Variants in EPHB6 observed in about 807,000 individuals in gnomAD.
The protein encoded by EPHB6 is ephrin type-B receptor 6.
EPHB6 carries 51 observed loss-of-function variants against 107.0 expected under a neutral mutation model. The observed-to-expected ratio is 0.48, with a 90% CI of 0.38 to 0.60. EPHB6 has a LOEUF of 0.60. Ranked by LOEUF, EPHB6 falls within the 20% of genes least tolerant of loss-of-function variation. The pLI is 0.00. For missense variants in EPHB6, 1,141 were observed against 1,355.5 expected (o/e 0.84, Z 2.48); for synonymous variants, 553 against 549.0 (o/e 1.01, Z -0.10).
intron 1 of EPHB6, among the ~76,000 whole-genome samples, chr7:142,859,340 A>G (rs1586148971): frequency 6.6e-6 from 1 of 152,314 alleles, no homozygotes; most frequent in East Asian, 1.9e-4. Flanking sequence ...TGAAAAATCA[A>G]GTTCTGAGTC....
At position 142,870,523 on chromosome 7, in the gene EPHB6, C is replaced by G; in HGVS notation, c.2805-7C>G. ...GACCTTGACCCTGCTTGCCCCTCCC[C>G]TCTTAGGCCTTCCCAGGCCCTTCTG... On this transcript the variant is annotated splice_region_variant and splice_polypyrimidine_tract_variant and intron_variant, in intron 18 of 19. Coordinates refer to ENST00000652003, the MANE Select transcript of EPHB6 (RefSeq NM_004445.6). 6.2e-7 allele frequency: 1 copy of G among 1,612,308 alleles called. No individual in the cohort carries two copies. Among genetic ancestry groups the G allele is most frequent in the East Asian group, 2.3e-5 (1 of 43,024 alleles).
intron 4 of EPHB6, 135 bp downstream of exon 4, chr7:142,862,968 G>C: frequency 1.8e-6 from 1 of 547,000 alleles, no homozygotes; most frequent in South Asian, 2.5e-5. Flanking sequence ...GCTCAGGAGA[G>C]GCAGTATGCA....
chr7:142,870,950 G>A lies in EPHB6; in HGVS notation c.*46G>A. ...CAGCCCTGGACACTGGTCCGAGAAG[G>A]GACATGTGGGACGTGAGCCGGGCTC... On this transcript the variant is annotated 3_prime_UTR_variant, in exon 20 of 20. Transcript: ENST00000652003. 1 of 1,563,518 alleles carries A rather than the reference G, an allele frequency of 6.4e-7. No individual in the cohort carries two copies. The highest frequency in any genetic ancestry group is 8.7e-7 in the Non-Finnish European group (1 of 1,150,444).
At chr7:142,858,601 A>ATT (rs1802711723) in intron 1 of EPHB6, among the ~76,000 whole-genome samples, 34 of 37,840 alleles carry the variant, frequency 9.0e-4, no homozygotes, top group Non-Finnish European at 2.2e-3. Flanking sequence ...ACGCCCAGCT[A>ATT]ATTTTTTTTT....
intron 17 of EPHB6, 23 bp from the exon 18 acceptor site, chr7:142,870,191 C>T (rs1283456626): frequency 2.5e-6 from 4 of 1,613,870 alleles, no homozygotes; most frequent in Non-Finnish European, 8.5e-7. Flanking sequence ...TTCCCATCGT[C>T]ATAGTCTTCC....
rs1222741724 is a variant in EPHB6, at chr7:142,868,098, G to A, written c.1918+49G>A. 35 of 1,613,500 alleles carry A rather than the reference G, an allele frequency of 2.2e-5. No homozygotes were observed. The highest frequency in any genetic ancestry group is 3.0e-5 in the Non-Finnish European group (35 of 1,179,670). On this transcript the variant is annotated intron_variant, in intron 13 of 19. Transcript: ENST00000652003. This position sits in a 1 kb window ranked among gnomAD's most constrained non-coding sequence, Gnocchi z 4.2. Reference sequence around the variant, plus strand: ...GTGGGGCTGGGGAACACATGGGTGGGGCACATGGCAGGCAAGGCTGGATCC... The same window carrying A: ...GTGGGGCTGGGGAACACATGGGTGGAGCACATGGCAGGCAAGGCTGGATCC...
chr7:142,863,172 C>A lies in EPHB6; in HGVS notation c.-56C>A, dbSNP rs1802924878. On this transcript the variant is annotated 5_prime_UTR_variant, in exon 5 of 20. Coordinates refer to ENST00000652003, the MANE Select transcript of EPHB6 (RefSeq NM_004445.6). ...CCCTGAGTCTTGCAAAAGCTGCAGC[C>A]CCACCCAGGAGCAGGGTGGTGGCTG... is the stretch of plus-strand genomic sequence containing the variant. 2.7e-6 allele frequency: 4 copies of A among 1,501,634 alleles called. No homozygotes were observed. The Admixed American group carries it at 6.9e-5, about 26-fold the overall frequency. 93.0% of individuals were successfully genotyped at this position (1,501,634 alleles called of 1,614,324 possible). A position where few individuals can be genotyped will look rare whatever the true frequency, so the allele number is the denominator to read the frequency against.
In EPHB6 at chr7:142,868,002, G is replaced by A. The variant is rs145216040; in HGVS notation, c.1871G>A (p.Arg624Gln). Residue 624 changes from arginine to glutamine, a missense_variant, in exon 13 of 20, where the codon CGG becomes CAG. Around this residue, in one of 3 missense-constraint regions of EPHB6, gnomAD observed 616 missense variants for 759.3 expected, o/e 0.81. Transcript: ENST00000652003. This position sits in a 1 kb window ranked among gnomAD's most constrained non-coding sequence, Gnocchi z 4.2. ...TVLAVVFQRK[R>Q]RGTGYTEQLQ... ...GTCACCGTTTTGTTCCTCAGGAAGC[G>A]GCGTGGGACTGGCTACACAGAGCAG... The A allele has an allele frequency of 1.0e-5, 16 of 1,579,072 alleles. No individual in the cohort carries two copies. The highest frequency in any genetic ancestry group is 2.7e-5 in the African/African-American group (2 of 74,006).
chr7:142,855,321 G>A lies in EPHB6; in HGVS notation c.-496G>A, dbSNP rs1802549141. 1 of 152,222 alleles carries A rather than the reference G, an allele frequency of 6.6e-6. No individual in the cohort carries two copies. Among genetic ancestry groups the A allele is most frequent in the Non-Finnish European group, 1.5e-5 (1 of 68,052 alleles). The allele number at this position is 152,222 out of a possible 1,614,324, so 9.4% of individuals were successfully genotyped here. On this transcript the variant is annotated 5_prime_UTR_variant, in exon 1 of 20. Coordinates refer to ENST00000652003, the MANE Select transcript of EPHB6 (RefSeq NM_004445.6). The surrounding 1 kb of genome is among the most constrained non-coding windows in gnomAD (Gnocchi z 4.2). ...GCGGGTGGCACCGTGCGAGCTCCAG[G>A]AGCCCCGGGTCCACTGCGAGGCCTC... is the stretch of plus-strand genomic sequence containing the variant.
Position 142,867,685 on chromosome 7 carries a change from C to A in EPHB6, c.1828C>A (p.Leu610Met). The A allele has an allele frequency of 6.2e-7, 1 of 1,613,418 alleles. No individual in the cohort carries two copies. The highest frequency in any genetic ancestry group is 8.5e-7 in the Non-Finnish European group (1 of 1,179,926). ...SILGALAFLLLAAITVLAVVF... is the reference protein window; with the variant it reads ...SILGALAFLLMAAITVLAVVF... ...CCTGGGGGCTTTGGCCTTCCTCCTGCTGGCAGCCATCACCGTGCTGGCGGT... is the reference window on the plus strand; with the variant it reads ...CCTGGGGGCTTTGGCCTTCCTCCTGATGGCAGCCATCACCGTGCTGGCGGT... Residue 610 changes from leucine to methionine, a missense_variant, in exon 12 of 20, where the codon CTG becomes ATG. Leu to Met is a conservative substitution (Grantham distance 15, BLOSUM62 2). Around this residue, in one of 3 missense-constraint regions of EPHB6, gnomAD observed 616 missense variants for 759.3 expected, o/e 0.81. Transcript: ENST00000652003. The surrounding 1 kb of genome is among the most constrained non-coding windows in gnomAD (Gnocchi z 5.3).
chr7:142,864,160 C>T lies in EPHB6; in HGVS notation c.360C>T (p.Ser120=), dbSNP rs533330481. 3.3e-5 allele frequency: 54 copies of T among 1,613,932 alleles called. No homozygotes were observed. The East Asian group carries it at 5.3e-4, about 16-fold the overall frequency. ...SVRACSSLGV[S]GGTCRETFTL... ...GGGCATGCTCCAGCCTGGGTGTGAG[C>T]GGCGGCACCTGCCGGGAGACCTTCA... Residue 120 remains serine (S), a synonymous_variant, in exon 7 of 20, where the codon AGC becomes AGT. Transcript: ENST00000652003.
intron 18 of EPHB6, 55 bp from the exon 19 acceptor site, chr7:142,870,475 G>T: frequency 6.2e-7 from 1 of 1,613,942 alleles, no homozygotes; most frequent in South Asian, 1.1e-5. Context: ...GAAAACTGAG[G>T]AGAGGGGCTA....
intron 1 of EPHB6, 126 bp from the exon 2 acceptor site, chr7:142,860,926 C>G (rs991142979): frequency 4.6e-5 from 7 of 152,112 alleles, no homozygotes; most frequent in Non-Finnish European, 1.0e-4. Context: ...TCAACAATCC[C>G]AAGGCCATAT....
chr7:142,858,423 CTTTTTTTTTTTTTT>C (rs958011230), intron 1 of EPHB6, among the ~76,000 whole-genome samples: 2 of 57,580 alleles, frequency 3.5e-5, no homozygotes, highest in East Asian at 5.8e-4. Flanking sequence ...TTAAGTCATT[CTTTTTTTTTTTTTT>C]TTTTTTTTTT....
rs142367849 is a variant in EPHB6, at chr7:142,864,214, C to T, written c.414C>T (p.Pro138=). The T allele has an allele frequency of 8.1e-5, 131 of 1,613,752 alleles. No homozygotes were observed. Among genetic ancestry groups the T allele is most frequent in the Admixed American group, 1.0e-4 (6 of 60,010 alleles). The change falls in exon 7 of 20, where the codon CCC becomes CCT. Residue 138 remains proline (P), a synonymous_variant. Transcript: ENST00000652003. ...TTTACTACCGTCAGGCTGAGGAGCC[C>T]GACAGCCCTGACAGCGTTTCCTCCT... is the stretch of plus-strand genomic sequence containing the variant. The part of the protein sequence containing the change: ...FTLYYRQAEE[P]DSPDSVSSWH...
chr7:142,866,408 C>G lies in EPHB6; in HGVS notation c.1463-73C>G. 1 of 1,612,056 alleles carries G rather than the reference C, an allele frequency of 6.2e-7. No individual in the cohort carries two copies. Among genetic ancestry groups the G allele is most frequent in the Non-Finnish European group, 8.5e-7 (1 of 1,179,470 alleles). ...TGATCTCCAGCCTGGTCCACCCCTG[C>G]CGCCCTCCCCTCAAGGCTGATCCTG... On this transcript the variant is annotated intron_variant, in intron 9 of 19. Coordinates refer to ENST00000652003, the MANE Select transcript of EPHB6 (RefSeq NM_004445.6). This position sits in a 1 kb window ranked among gnomAD's most constrained non-coding sequence, Gnocchi z 5.2.
chr7:142,868,560 C>T lies in EPHB6; in HGVS notation c.2107C>T (p.Gln703Ter). 1 of 1,613,630 alleles carries T rather than the reference C, an allele frequency of 6.2e-7. No homozygotes were observed. Among genetic ancestry groups the T allele is most frequent in the Non-Finnish European group, 8.5e-7 (1 of 1,179,988 alleles). Reference sequence around the variant, plus strand: ...ACGGAGGGAGCAGACTGTGGCCATCCAGGCCCTGTGGGCCGGGGGCGCCGA... The same window carrying T: ...ACGGAGGGAGCAGACTGTGGCCATCTAGGCCCTGTGGGCCGGGGGCGCCGA... Reference protein sequence around the residue: ...RGRREQTVAIQALWAGGAESL... With the variant: ...RGRREQTVAI The change falls in exon 15 of 20, where the codon CAG (glutamine) becomes TAG (stop). Residue 703 changes from glutamine to a stop codon, truncating the protein, a stop_gained. Transcript: ENST00000652003. LOFTEE classifies it high-confidence loss of function. The surrounding 1 kb of genome is among the most constrained non-coding windows in gnomAD (Gnocchi z 4.2).
chr7:142,865,636 T>A lies in EPHB6; in HGVS notation c.1105+6T>A. On this transcript the variant is annotated splice_donor_region_variant and intron_variant, in intron 8 of 19. Coordinates refer to ENST00000652003, the MANE Select transcript of EPHB6 (RefSeq NM_004445.6). ...ACCAGAGGCCCCCTGCACTGGTGAG[T>A]TCCTCACCCAGCCCTGCAATGGGAA... The A allele has an allele frequency of 6.2e-7, 1 of 1,612,824 alleles. No individual in the cohort carries two copies. Among genetic ancestry groups the A allele is most frequent in the East Asian group, 2.2e-5 (1 of 44,870 alleles).
At position 142,868,616 on chromosome 7, in the gene EPHB6, C is replaced by T. The variant is rs6464535; in HGVS notation, c.2163C>T (p.Ala721=). 8,342 of 1,613,766 alleles carry T rather than the reference C, an allele frequency of 5.2e-3. 326 individuals carry two copies. The African/African-American group carries it at 0.089, about 17-fold the overall frequency. The change falls in exon 15 of 20, where the codon GCC becomes GCT. Residue 721 remains alanine (A), a synonymous_variant. Transcript: ENST00000652003. This position sits in a 1 kb window ranked among gnomAD's most constrained non-coding sequence, Gnocchi z 4.2. ...ESLQMTFLGR[A]AVLGQFQHPN... is the part of the protein sequence containing the mutation. ...TGCAGATGACCTTCCTGGGCCGGGCCGCAGTGCTGGGTCAGTTCCAGCACC... is the reference window on the plus strand; with the variant it reads ...TGCAGATGACCTTCCTGGGCCGGGCTGCAGTGCTGGGTCAGTTCCAGCACC...
Sources: allele counts gnomAD v4.1 joint callset (sites outside exome capture counted in the v4.1 genomes callset), GRCh38; gene constraint gnomAD v4.1.1; regional missense constraint gnomAD v4.1.1; non-coding constraint Gnocchi (gnomAD v3.1); transcripts MANE v1.5; gene names NCBI Gene and HGNC (gene_info 2026-07-23, HGNC 2026-07-21).